TANGO6: variants seen among roughly 807,000 people sequenced by gnomAD.
The protein encoded by TANGO6 is transport and Golgi organization protein 6 homolog.
Under a neutral mutation model 114.2 loss-of-function variants are expected in TANGO6, and 90 were observed. That is an observed-to-expected ratio of 0.79 (90% CI 0.66 to 0.94). TANGO6 has a LOEUF of 0.94. TANGO6 is among the 40% of genes least tolerant of loss of function. TANGO6 has a pLI of 0.00. For missense variants in TANGO6, 1,274 were observed against 1,315.3 expected (o/e 0.97, Z 0.49); for synonymous variants, 477 against 509.8 (o/e 0.94, Z 0.87).
chr16:68,847,339 C>T (rs752207875), intron 1 of TANGO6, among the ~76,000 whole-genome samples: 1 of 152,124 alleles, frequency 6.6e-6, no homozygotes, highest in Non-Finnish European at 1.5e-5. Flanking sequence ...CTGAGAGGGT[C>T]TTGGGAACCC....
intron 16 of TANGO6, among the ~76,000 whole-genome samples, chr16:69,028,521 T>C (rs1432399612): frequency 1.3e-5 from 2 of 151,958 alleles, no homozygotes; most frequent in East Asian, 1.9e-4. Context: ...TAATCCCAGC[T>C]ACTTAGGAGG....
intron 17 of TANGO6, among the ~76,000 whole-genome samples, chr16:69,082,548 C>G (rs1960481335): frequency 6.6e-6 from 1 of 152,042 alleles, no homozygotes; most frequent in Non-Finnish European, 1.5e-5. Flanking sequence ...AGATTGAGAC[C>G]ATCATGGCCA....
At chr16:68,967,979 T>C (rs1389179995) in intron 14 of TANGO6, among the ~76,000 whole-genome samples, 1 of 152,108 alleles carries the variant, frequency 6.6e-6, no homozygotes, top group Non-Finnish European at 1.5e-5. Context: ...AAAATATGTG[T>C]GTGGCTTTCA....
chr16:68,944,002 T>C (rs1963386969), intron 14 of TANGO6, among the ~76,000 whole-genome samples: 1 of 152,184 alleles, frequency 6.6e-6, no homozygotes, highest in African/African-American at 2.4e-5. Context: ...TTTGAGATAG[T>C]ATTTTATAGC....
intron 17 of TANGO6, among the ~76,000 whole-genome samples, chr16:69,059,429 C>T (rs1448303496): frequency 6.6e-6 from 1 of 152,136 alleles, no homozygotes; most frequent in Non-Finnish European, 1.5e-5. Flanking sequence ...TGGTCTCGAA[C>T]TCCTGACCTT....
chr16:69,038,225 T>G (rs9927319), intron 16 of TANGO6, among the ~76,000 whole-genome samples: 1 of 151,892 alleles, frequency 6.6e-6, no homozygotes, highest in African/African-American at 2.4e-5. Flanking sequence ...GTCAGGAGTT[T>G]GAGACCAGCC....
chr16:69,076,081 T>C (rs1365734006), intron 17 of TANGO6, among the ~76,000 whole-genome samples: 1 of 136,140 alleles, frequency 7.3e-6, no homozygotes, highest in African/African-American at 2.8e-5. Flanking sequence ...ACATTTTTAT[T>C]TCATTTCTTT....
intron 16 of TANGO6, among the ~76,000 whole-genome samples, chr16:69,024,514 G>T (rs868418525): frequency 5.3e-5 from 8 of 151,964 alleles, no homozygotes; most frequent in Non-Finnish European, 1.0e-4. Flanking sequence ...TGATCTGCTC[G>T]CCTCGGCCTC....
At chr16:68,900,983 G>A (rs1473540639) in intron 8 of TANGO6, among the ~76,000 whole-genome samples, 2 of 152,198 alleles carry the variant, frequency 1.3e-5, no homozygotes, top group African/African-American at 2.4e-5. Context: ...GTGATGCAGT[G>A]TGTTGTTTAG....
chr16:69,040,630 A>G (rs757167752), intron 17 of TANGO6, among the ~76,000 whole-genome samples: 5 of 152,068 alleles, frequency 3.3e-5, no homozygotes, highest in Non-Finnish European at 7.4e-5. Flanking sequence ...TGGCCAAACT[A>G]TATACTAAGA....
intron 15 of TANGO6, among the ~76,000 whole-genome samples, chr16:68,975,947 A>AT (rs2152213492): frequency 6.6e-6 from 1 of 151,530 alleles, no homozygotes; most frequent in African/African-American, 2.4e-5. Context: ...TGTTGTTGTT[A>AT]TTTTTGCAAC....
intron 17 of TANGO6, among the ~76,000 whole-genome samples, chr16:69,058,979 C>T (rs1960075631): frequency 6.6e-6 from 1 of 151,502 alleles, no homozygotes; most frequent in Non-Finnish European, 1.5e-5. Flanking sequence ...GCGATCTCGG[C>T]TCACTGCAAC....
chr16:68,962,710 A>G (rs1347075617), intron 14 of TANGO6, among the ~76,000 whole-genome samples: 2 of 151,192 alleles, frequency 1.3e-5, no homozygotes, highest in Non-Finnish European at 3.0e-5. Flanking sequence ...GTGGTGAGTC[A>G]AGATTGCGCC....
At chr16:68,944,915 G>A (rs1432799701) in intron 14 of TANGO6, among the ~76,000 whole-genome samples, 1 of 152,190 alleles carries the variant, frequency 6.6e-6, no homozygotes, top group Non-Finnish European at 1.5e-5. Context: ...TCACGCCTGA[G>A]GCAGGCAGAT....
rs759505593 is a variant in TANGO6 at position 68,900,450 on chromosome 16, A to G, written c.1394A>G (p.Asn465Ser). 1.2e-5 allele frequency: 20 copies of G among 1,613,836 alleles called. No individual in the cohort carries two copies. Among genetic ancestry groups the G allele is most frequent in the Non-Finnish European group, 1.5e-5 (18 of 1,179,872 alleles). ...TTTTTCTAGGTGTACGTGGTTGGGA[A>G]TGAACCTTTAACAGTTTTGATGGAT... ...EDVFKVYVVG[N>S]EPLTVLMDSL... Residue 465 changes from asparagine (N) to serine (S), a missense_variant, in exon 8 of 18, where the codon AAT (asparagine) becomes AGT (serine). By Grantham distance (46) the Asn-to-Ser change is conservative (BLOSUM62 1). This residue lies in a region of TANGO6 where 908 missense variants were observed against 910.2 expected (regional missense o/e 1.00). Coordinates refer to ENST00000261778, the MANE Select transcript of TANGO6 (RefSeq NM_024562.2).
In TANGO6 at chr16:68,846,413, C is replaced by T. The variant is rs777602928; in HGVS notation, c.94+2702C>T. On this transcript the variant is annotated intron_variant, in intron 1 of 17. Transcript: ENST00000261778. ...TTTGACTGAAGTACATGAAGAAAAC[C>T]TAGACTCACATAGATATGTAACTGG... The T allele has an allele frequency of 9.6e-4, 235 of 245,490 alleles. 1 individual carries two copies. Among genetic ancestry groups the T allele is most frequent in the Non-Finnish European group, 8.1e-4 (98 of 120,972 alleles). 15.2% of individuals were successfully genotyped at this position (245,490 alleles called of 1,614,324 possible).
intron 15 of TANGO6, among the ~76,000 whole-genome samples, chr16:69,018,577 A>G (rs1959346264): frequency 1.3e-5 from 2 of 151,844 alleles, no homozygotes; most frequent in Non-Finnish European, 2.9e-5. Flanking sequence ...TTGTCTTAGT[A>G]TATGTCCTTT....
chr16:69,035,329 G>A (rs1567562966), intron 16 of TANGO6: 1 of 152,162 alleles, frequency 6.6e-6, no homozygotes, highest in Non-Finnish European at 1.5e-5. Context: ...AAGGTTTCTT[G>A]GTTTACAGAT....
At chr16:68,921,276 G>A (rs1274230990) in intron 12 of TANGO6, among the ~76,000 whole-genome samples, 3 of 150,796 alleles carry the variant, frequency 2.0e-5, no homozygotes, top group Admixed American at 6.6e-5. Flanking sequence ...TCCACCTCCT[G>A]GGTTCAAGCA....
Sources: allele counts gnomAD v4.1 joint callset (sites outside exome capture counted in the v4.1 genomes callset), GRCh38; gene constraint gnomAD v4.1.1; regional missense constraint gnomAD v4.1.1; transcripts MANE v1.5; gene names NCBI Gene and HGNC (gene_info 2026-07-23, HGNC 2026-07-21).